IQGAP2: variants seen among roughly 807,000 people sequenced by gnomAD.
IQGAP2 encodes the protein ras GTPase-activating-like protein IQGAP2.
A neutral mutation model predicts 201.3 loss-of-function variants in IQGAP2; 173 were observed. The ratio of observed to expected loss-of-function variants is 0.86; its 90% CI spans 0.76 to 0.98. IQGAP2 has a LOEUF of 0.98. Among genes scored for constraint, IQGAP2 ranks in the 50% least tolerant of loss-of-function variants. IQGAP2 has a pLI of 0.00. For missense variants in IQGAP2, 1,687 were observed against 1,864.8 expected (o/e 0.90, Z 1.76); for synonymous variants, 675 against 673.9 (o/e 1.00, Z -0.03).
chr5:76,492,044 A>T (rs1330400418), intron 2 of IQGAP2, among the ~76,000 whole-genome samples: 2 of 152,190 alleles, frequency 1.3e-5, no homozygotes, highest in African/African-American at 4.8e-5. Context: ...AGTGAGACAC[A>T]GCCCTGTTCA....
intron 35 of IQGAP2, among the ~76,000 whole-genome samples, chr5:76,702,936 A>G (rs1228578700): frequency 7.1e-6 from 1 of 141,816 alleles, no homozygotes; most frequent in African/African-American, 2.6e-5. Context: ...TTCTAAGACT[A>G]TGTATGCCCA....
chr5:76,420,923 ATAATATCCCATTG>A (rs1355396200), intron 1 of IQGAP2, among the ~76,000 whole-genome samples: 1 of 152,222 alleles, frequency 6.6e-6, no homozygotes, highest in Non-Finnish European at 1.5e-5. Flanking sequence ...TTAAGGCTGA[ATAATATCCCATTG>A]TAGGTACAGG....
intron 27 of IQGAP2, among the ~76,000 whole-genome samples, chr5:76,676,095 A>T (rs1308912408): frequency 8.0e-5 from 12 of 149,404 alleles, no homozygotes; most frequent in Admixed American, 3.3e-4. Flanking sequence ...ACACACACAC[A>T]CACACACACA....
chr5:76,670,940 C>G (rs1045051809), intron 23 of IQGAP2, among the ~76,000 whole-genome samples: 1 of 152,200 alleles, frequency 6.6e-6, no homozygotes, highest in Non-Finnish European at 1.5e-5. Flanking sequence ...ACTTTATTTT[C>G]AGATCCTCAA....
chr5:76,542,438 C>T (rs564406166), intron 2 of IQGAP2, among the ~76,000 whole-genome samples: 8 of 152,370 alleles, frequency 5.3e-5, no homozygotes, highest in Non-Finnish European at 7.3e-5. Context: ...CGTTCCTTAC[C>T]GGTACCGGCC....
At chr5:76,676,122 CAA>C (rs1744795545) in intron 27 of IQGAP2, among the ~76,000 whole-genome samples, 1 of 144,440 alleles carries the variant, frequency 6.9e-6, no homozygotes, top group Admixed American at 6.9e-5. Flanking sequence ...CACACACACA[CAA>C]AGTAATATCC....
rs201516054 is a variant in IQGAP2 at position 76,611,044 on chromosome 5, A to G, written c.1382A>G (p.Asn461Ser). Residue 461 changes from asparagine (N) to serine (S), a missense_variant, in exon 13 of 36, where the codon AAT (asparagine) becomes AGT (serine). By Grantham distance (46) the Asn-to-Ser change is conservative. Coordinates refer to ENST00000274364, the MANE Select transcript of IQGAP2 (RefSeq NM_006633.5). ...GGAGTTGTAGCTGTAGGGTACATCA[A>G]TGAAGCTATTGATGAAGGGAATCCT... is the stretch of plus-strand genomic sequence containing the variant. ...NDRVVAVGYI[N>S]EAIDEGNPLR... 25 of 1,613,610 alleles carry G rather than the reference A, an allele frequency of 1.5e-5. No homozygotes were observed. The highest frequency in any genetic ancestry group is 8.9e-5 in the East Asian group (4 of 44,878).
intron 1 of IQGAP2, among the ~76,000 whole-genome samples, chr5:76,429,664 T>A (rs1311573197): frequency 1.4e-5 from 2 of 147,318 alleles, no homozygotes; most frequent in African/African-American, 5.0e-5. Flanking sequence ...ATGTTAAAAT[T>A]AGTTAACATT....
intron 2 of IQGAP2, among the ~76,000 whole-genome samples, chr5:76,539,674 G>C (rs1742626235): frequency 1.3e-5 from 2 of 152,114 alleles, no homozygotes; most frequent in African/African-American, 4.8e-5. Context: ...CCTTGCATGG[G>C]AAGAGGGGCT....
Position 76,429,459 on chromosome 5 carries a change from C to T in IQGAP2, c.46+25868C>T, listed in dbSNP as rs565445988. Reference sequence around the variant, plus strand: ...TGGTGGTGGGTGCCTGTAGTCCCAGCTACTTGGGGGGCTGAGGCAGGAGAA... The same window carrying T: ...TGGTGGTGGGTGCCTGTAGTCCCAGTTACTTGGGGGGCTGAGGCAGGAGAA... On this transcript the variant is annotated intron_variant, in intron 1 of 35. Transcript: ENST00000274364. Among the ~76,000 whole-genome samples, 41 of 151,120 alleles carry T rather than the reference C, an allele frequency of 2.7e-4. 1 individual carries two copies. In the South Asian group the frequency reaches 6.3e-3, roughly 23 times the overall value.
chr5:76,662,024 G>A (rs1220238905), intron 21 of IQGAP2, among the ~76,000 whole-genome samples: 1 of 152,174 alleles, frequency 6.6e-6, no homozygotes, highest in Non-Finnish European at 1.5e-5. Flanking sequence ...TAAGAATCAG[G>A]AAAAGTGAGT....
intron 17 of IQGAP2, among the ~76,000 whole-genome samples, chr5:76,650,443 G>T (rs536336229): frequency 2.0e-5 from 3 of 152,242 alleles, no homozygotes; most frequent in African/African-American, 7.2e-5. Context: ...AGATATTGAG[G>T]TACAGATTGT....
At chr5:76,439,076 A>G (rs990789741) in intron 1 of IQGAP2, among the ~76,000 whole-genome samples, 1 of 151,728 alleles carries the variant, frequency 6.6e-6, no homozygotes, top group African/African-American at 2.4e-5. Context: ...TTCATTTCAA[A>G]GAATTTTTAA....
At chr5:76,588,272 C>T (rs1311358676) in intron 5 of IQGAP2, among the ~76,000 whole-genome samples, 3 of 152,012 alleles carry the variant, frequency 2.0e-5, no homozygotes, top group Non-Finnish European at 4.4e-5. Context: ...ATTTAGATGC[C>T]AGCTCTCAAG....
intron 30 of IQGAP2, among the ~76,000 whole-genome samples, chr5:76,688,686 A>T (rs1350059358): frequency 6.6e-6 from 1 of 152,184 alleles, no homozygotes; most frequent in Non-Finnish European, 1.5e-5. Context: ...AAAATCTGAA[A>T]CACTTTTGGG....
chr5:76,450,280 A>T (rs1034541944), intron 1 of IQGAP2, among the ~76,000 whole-genome samples: 3 of 151,876 alleles, frequency 2.0e-5, no homozygotes, highest in Non-Finnish European at 4.4e-5. Context: ...TGCCAACCCA[A>T]CTCCCTTCCC....
intron 2 of IQGAP2, among the ~76,000 whole-genome samples, chr5:76,517,815 T>C (rs1758431794): frequency 6.6e-6 from 1 of 152,098 alleles, no homozygotes; most frequent in African/African-American, 2.4e-5. Context: ...TGAAAACCTA[T>C]CTAAAGCACC....
In IQGAP2 at chr5:76,671,817, G is replaced by C. The variant is rs1323061021; in HGVS notation, c.2902G>C (p.Val968Leu). ...TGGTAACCCTACAGTCATCAAGATG[G>C]TCGTCAGCTTCAATAGAGGTGCCCG... ...VTGNPTVIKM[V>L]VSFNRGARGQ... The change falls in exon 24 of 36, where the codon GTC becomes CTC. Residue 968 changes from valine to leucine, a missense_variant. Coordinates refer to ENST00000274364, the MANE Select transcript of IQGAP2 (RefSeq NM_006633.5). 1 of 1,614,072 alleles carries C rather than the reference G, an allele frequency of 6.2e-7. No homozygotes were observed. Among genetic ancestry groups the C allele is most frequent in the African/African-American group, 1.3e-5 (1 of 75,004 alleles).
intron 35 of IQGAP2, among the ~76,000 whole-genome samples, chr5:76,704,999 T>TA (rs1057381488): frequency 6.6e-6 from 1 of 152,324 alleles, no homozygotes; most frequent in South Asian, 2.1e-4. Flanking sequence ...TTATATCCTA[T>TA]AATTATAGGC....
Sources: allele counts gnomAD v4.1 joint callset (sites outside exome capture counted in the v4.1 genomes callset), GRCh38; gene constraint gnomAD v4.1.1; transcripts MANE v1.5; gene names NCBI Gene and HGNC (gene_info 2026-07-23, HGNC 2026-07-21).